Variants in MACROD2 observed in about 807,000 individuals in gnomAD.
MACROD2 encodes the protein ADP-ribose glycohydrolase MACROD2.
A neutral mutation model predicts 70.4 loss-of-function variants in MACROD2; 36 were observed. The ratio of observed to expected loss-of-function variants is 0.51; its 90% CI spans 0.39 to 0.68. MACROD2 has a LOEUF of 0.68. Ranked by LOEUF, MACROD2 falls within the 30% of genes least tolerant of loss-of-function variation. The probability of loss-of-function intolerance (pLI) is 0.00; values close to 1 mark genes in which losing one functional copy is unlikely to be tolerated. For missense variants in MACROD2, 496 were observed against 538.4 expected, an observed-to-expected ratio of 0.92 and a Z score of 0.78; for synonymous variants, 172 against 178.8, an observed-to-expected ratio of 0.96 and a Z score of 0.30.
chr20:15,678,922 T>C (rs2050118209), intron 8 of MACROD2, among the ~76,000 whole-genome samples: 1 of 152,026 alleles, frequency 6.6e-6, no homozygotes, highest in African/African-American at 2.4e-5. Context: ...CAAAGTGAGG[T>C]CATTGAATGT....
chr20:14,133,508 A>G (rs1408264995), intron 3 of MACROD2, among the ~76,000 whole-genome samples: 1 of 152,226 alleles, frequency 6.6e-6, no homozygotes, highest in African/African-American at 2.4e-5. Flanking sequence ...ATAATGCCCA[A>G]TAAACAAATA....
intron 5 of MACROD2, among the ~76,000 whole-genome samples, chr20:14,712,730 A>C (rs2071352399): frequency 6.6e-6 from 1 of 152,148 alleles, no homozygotes; most frequent in Non-Finnish European, 1.5e-5. Context: ...AGTATCTCCT[A>C]ATCTCTCAAC....
At chr20:15,741,059 T>C (rs538307535) in intron 8 of MACROD2, among the ~76,000 whole-genome samples, 59 of 151,736 alleles carry the variant, frequency 3.9e-4, no homozygotes, top group African/African-American at 1.4e-3. Flanking sequence ...AAGAACTCCT[T>C]GCAATGGTCT....
At position 14,515,215 on chromosome 20, in the gene MACROD2, A is replaced by G. The variant is rs79180413; in HGVS notation, c.301+21707A>G. On this transcript the variant is annotated intron_variant, in intron 4 of 17. Coordinates refer to ENST00000684519, the MANE Select transcript of MACROD2 (RefSeq NM_001351661.2). Reference sequence around the variant, plus strand: ...TAACACATAAAAGAAATATTTCACAATACAGTGCAAAAATCGAAAAAAATC... The same window carrying G: ...TAACACATAAAAGAAATATTTCACAGTACAGTGCAAAAATCGAAAAAAATC... Among the ~76,000 whole-genome samples the G allele has an allele frequency of 6.5e-3, 985 of 152,230 alleles. 18 individuals are homozygous for G. Among genetic ancestry groups the G allele is most frequent in the African/African-American group, 0.022 (924 of 41,568 alleles).
intron 5 of MACROD2, among the ~76,000 whole-genome samples, chr20:14,800,922 C>G (rs1255652876): frequency 1.3e-5 from 2 of 152,068 alleles, no homozygotes; most frequent in African/African-American, 4.8e-5. Flanking sequence ...AAATCTGCCA[C>G]AACAGTCAAT....
intron 3 of MACROD2, among the ~76,000 whole-genome samples, chr20:14,453,110 A>G (rs1253821303): frequency 6.6e-6 from 1 of 152,154 alleles, no homozygotes; most frequent in African/African-American, 2.4e-5. Flanking sequence ...TTTCTGTTCT[A>G]ACATGAGAAT....
At chr20:14,725,291 G>A (rs866498199) in intron 5 of MACROD2, among the ~76,000 whole-genome samples, 11 of 152,036 alleles carry the variant, frequency 7.2e-5, no homozygotes, top group African/African-American at 2.7e-4. Flanking sequence ...GCCAGTCAGG[G>A]ATAAAAATAT....
chr20:14,820,357 C>CTTTTT (rs11475238), intron 5 of MACROD2, among the ~76,000 whole-genome samples: 15 of 116,120 alleles, frequency 1.3e-4, no homozygotes, highest in African/African-American at 2.6e-4. Flanking sequence ...ATTTTTCTTC[C>CTTTTT]TTTTTTTTTT....
At chr20:16,005,696 G>C (rs8117514) in intron 15 of MACROD2, among the ~76,000 whole-genome samples, 1 of 152,120 alleles carries the variant, frequency 6.6e-6, no homozygotes, top group East Asian at 1.9e-4. Flanking sequence ...CCCTCACAGC[G>C]TGTCTTTTTG....
At chr20:14,959,390 A>G (rs1356865651) in intron 5 of MACROD2, among the ~76,000 whole-genome samples, 1 of 152,100 alleles carries the variant, frequency 6.6e-6, no homozygotes, top group Admixed American at 6.5e-5. Context: ...TCAGCCCCAC[A>G]AAGTGCTGGG....
At chr20:14,951,595 A>G (rs1224455165) in intron 5 of MACROD2, among the ~76,000 whole-genome samples, 1 of 152,102 alleles carries the variant, frequency 6.6e-6, no homozygotes, top group Admixed American at 6.6e-5. Context: ...CTGCTGTAGG[A>G]CTCCGAGGGC....
At chr20:15,514,681 T>C (rs917964520) in intron 8 of MACROD2, among the ~76,000 whole-genome samples, 1 of 152,218 alleles carries the variant, frequency 6.6e-6, no homozygotes, top group Non-Finnish European at 1.5e-5. Context: ...GGCATTGAAG[T>C]ATTGAGTGCT....
rs925550389 is a variant in MACROD2 at position 16,018,345 on chromosome 20, T to G, written c.1154-22856T>G. Among the ~76,000 whole-genome samples the G allele has an allele frequency of 2.6e-5, 4 of 152,162 alleles. No homozygotes were observed. In the South Asian group the frequency reaches 6.2e-4, roughly 24 times the overall value. On this transcript the variant is annotated intron_variant, in intron 15 of 17. Transcript: ENST00000684519. ...TTTTTTTCAAGGCTAAAAAATGATG[T>G]TACTGATGTGCTATATGTAATGGTT...
chr20:15,964,720 T>C (rs2066113961), intron 12 of MACROD2, among the ~76,000 whole-genome samples: 1 of 152,206 alleles, frequency 6.6e-6, no homozygotes, highest in Non-Finnish European at 1.5e-5. Context: ...ATGAGATCCA[T>C]GATTGAAAAC....
At chr20:14,367,243 C>T (rs1442271620) in intron 3 of MACROD2, among the ~76,000 whole-genome samples, 1 of 152,076 alleles carries the variant, frequency 6.6e-6, no homozygotes, top group Non-Finnish European at 1.5e-5. Context: ...TGTCTGATAA[C>T]ATACATTATA....
At chr20:14,875,580 A>G (rs1303321178) in intron 5 of MACROD2, among the ~76,000 whole-genome samples, 1 of 152,124 alleles carries the variant, frequency 6.6e-6, no homozygotes, top group Non-Finnish European at 1.5e-5. Context: ...ATATTATCCC[A>G]TCACCCAAGT....
chr20:14,384,342 A>C (rs1260652629), intron 3 of MACROD2, among the ~76,000 whole-genome samples: 3 of 152,172 alleles, frequency 2.0e-5, no homozygotes, highest in African/African-American at 2.4e-5. Flanking sequence ...TGGGAAAAAA[A>C]GTTTTTAAGA....
chr20:14,551,711 A>G (rs896981009), intron 4 of MACROD2, among the ~76,000 whole-genome samples: 17 of 152,224 alleles, frequency 1.1e-4, no homozygotes, highest in African/African-American at 3.9e-4. Flanking sequence ...AAAGGAATAT[A>G]TAAGAATAGA....
At chr20:15,654,571 A>G (rs925156675) in intron 8 of MACROD2, among the ~76,000 whole-genome samples, 2 of 152,204 alleles carry the variant, frequency 1.3e-5, no homozygotes, top group African/African-American at 2.4e-5. Context: ...CCCACACCAC[A>G]TTTGAACAAA....
Sources: gnomAD v4.1 joint callset for allele counts (sites outside exome capture counted in the v4.1 genomes callset) on GRCh38, gnomAD v4.1.1 for gene constraint, MANE v1.5 for transcripts, NCBI Gene and HGNC (gene_info 2026-07-23, HGNC 2026-07-21) for gene names.